Variants in RABEP1 observed in about 807,000 individuals in gnomAD.
The protein encoded by RABEP1 is rab GTPase-binding effector protein 1.
RABEP1 carries 51 observed loss-of-function variants against 123.4 expected under a neutral mutation model. That is an observed-to-expected ratio of 0.41 (90% CI 0.33 to 0.52). RABEP1 has a LOEUF of 0.52. Among genes scored for constraint, RABEP1 ranks in the 20% least tolerant of loss-of-function variants. The pLI, the probability that RABEP1 is intolerant of heterozygous loss-of-function variation, is 0.16. For missense variants in RABEP1, 888 were observed against 996.3 expected (o/e 0.89, Z 1.46); for synonymous variants, 347 against 355.2 (o/e 0.98, Z 0.26).
At chr17:5,286,448 C>T (rs144540027) in intron 1 of RABEP1, among the ~76,000 whole-genome samples, 4,449 of 152,042 alleles carry the variant, frequency 0.029, 71 homozygotes, top group Middle Eastern at 0.065. Context: ...GAGCCGAGAT[C>T]GTGCCACTGC....
At chr17:5,299,832 C>T (rs890285502) in intron 1 of RABEP1, among the ~76,000 whole-genome samples, 16 of 146,862 alleles carry the variant, frequency 1.1e-4, no homozygotes, top group South Asian at 4.5e-4. Context: ...TGGGTTCAAG[C>T]GATTCTCCTG....
At chr17:5,381,748 CT>C in intron 17 of RABEP1, 1 of 416,606 alleles carries the variant, frequency 2.4e-6, no homozygotes. Flanking sequence ...GTACTGACTC[CT>C]TAGCATACCA....
At chr17:5,340,479 C>T (rs1460511005) in intron 5 of RABEP1, among the ~76,000 whole-genome samples, 1 of 151,850 alleles carries the variant, frequency 6.6e-6, no homozygotes, top group Admixed American at 6.6e-5. Flanking sequence ...TTTTTAGATA[C>T]ATTATCTTAG....
chr17:5,360,928 T>G (rs2144674253), intron 8 of RABEP1: 1 of 378,604 alleles, frequency 2.6e-6, no homozygotes, highest in South Asian at 3.0e-5. Flanking sequence ...CCCATCCTTT[T>G]ATCACAGTAT....
intron 4 of RABEP1, among the ~76,000 whole-genome samples, chr17:5,337,533 TA>T (rs201609240): frequency 0.027 from 4,039 of 149,064 alleles, 123 homozygotes; most frequent in East Asian, 0.13. Flanking sequence ...AAAATAATAA[TA>T]AAAAAAAAAT....
chr17:5,293,565 C>A (rs1426320074), intron 1 of RABEP1, among the ~76,000 whole-genome samples: 2 of 152,064 alleles, frequency 1.3e-5, no homozygotes, highest in African/African-American at 4.8e-5. Flanking sequence ...TGCCACCATG[C>A]CTAGGTAATT....
intron 2 of RABEP1, among the ~76,000 whole-genome samples, chr17:5,310,812 ATTTTTT>A (rs57691824): frequency 2.2e-5 from 3 of 137,214 alleles, no homozygotes; most frequent in African/African-American, 8.0e-5. Context: ...TGTTTCATTC[ATTTTTT>A]TTTTTTTTTG....
chr17:5,318,864 C>T (rs535752520), intron 2 of RABEP1, among the ~76,000 whole-genome samples: 30 of 152,238 alleles, frequency 2.0e-4, no homozygotes, highest in South Asian at 1.5e-3. Context: ...ACTGCAGCCA[C>T]GTGGCATTTG....
intron 1 of RABEP1, among the ~76,000 whole-genome samples, chr17:5,296,697 TCTTAA>T (rs1255442463): frequency 2.6e-5 from 4 of 152,236 alleles, no homozygotes; most frequent in Non-Finnish European, 5.9e-5. Flanking sequence ...TCAAGATTCA[TCTTAA>T]CTTGTATAGC....
At chr17:5,294,389 T>G in intron 1 of RABEP1, among the ~76,000 whole-genome samples, 1 of 151,790 alleles carries the variant, frequency 6.6e-6, no homozygotes, top group South Asian at 2.1e-4. Context: ...CTCAAGAAAA[T>G]AAACCAATAA....
At chr17:5,344,726 CG>C (rs1422352112) in intron 5 of RABEP1, among the ~76,000 whole-genome samples, 1 of 127,184 alleles carries the variant, frequency 7.9e-6, no homozygotes, top group Non-Finnish European at 1.6e-5. Flanking sequence ...GTGCCGAGAT[CG>C]TGCCTCTGCA....
rs1418758185 is a variant in RABEP1, at chr17:5,354,229, A to G, written c.964-130A>G. On this transcript the variant is annotated intron_variant, in intron 7 of 17. Transcript: ENST00000537505. Reference sequence around the variant, plus strand: ...GGCCCTTAGATGGGATTACAAAACAAAGAAGCGTAAGTATCCAGTTTTCTC... The same window carrying G: ...GGCCCTTAGATGGGATTACAAAACAGAGAAGCGTAAGTATCCAGTTTTCTC... The G allele has an allele frequency of 3.8e-6, 3 of 784,782 alleles. No individual in the cohort carries two copies. The East Asian group carries it at 8.6e-5, about 23-fold the overall frequency. 48.6% of individuals were successfully genotyped at this position (784,782 alleles called of 1,614,324 possible). A position where few individuals can be genotyped will look rare whatever the true frequency, so the allele number is the denominator to read the frequency against.
Position 5,362,846 on chromosome 17 carries a change from C to G in RABEP1, c.1564-66C>G, listed in dbSNP as rs761540084. 2.9e-6 allele frequency: 3 copies of G among 1,046,042 alleles called. No individual in the cohort carries two copies. The African/African-American group carries it at 4.7e-5, about 16-fold the overall frequency. 64.8% of individuals were successfully genotyped at this position (1,046,042 alleles called of 1,614,324 possible). ...TGACTACCATTGGTAAGACTATGCACGTGTACCTCAAGTGTGTGATGTAGA... is the reference window on the plus strand; with the variant it reads ...TGACTACCATTGGTAAGACTATGCAGGTGTACCTCAAGTGTGTGATGTAGA... On this transcript the variant is annotated intron_variant, in intron 9 of 17. Coordinates refer to ENST00000537505, the MANE Select transcript of RABEP1 (RefSeq NM_004703.6).
chr17:5,306,001 A>G (rs1181241299), intron 1 of RABEP1, among the ~76,000 whole-genome samples: 1 of 152,156 alleles, frequency 6.6e-6, no homozygotes, highest in Non-Finnish European at 1.5e-5. Flanking sequence ...CACTTACACT[A>G]TTAAATCTAT....
chr17:5,362,205 CACTTCGATATTTGCCT>C (rs1393605997), intron 9 of RABEP1: 8 of 159,904 alleles, frequency 5.0e-5, no homozygotes, highest in African/African-American at 1.9e-4. Context: ...AGGAGATAAA[CACTTCGATATTTGCCT>C]AATGCTTTAT....
At chr17:5,357,040 G>A (rs1200110456) in intron 8 of RABEP1, among the ~76,000 whole-genome samples, 1 of 152,036 alleles carries the variant, frequency 6.6e-6, no homozygotes, top group African/African-American at 2.4e-5. Context: ...ACCACGCCAG[G>A]CTAATTTTTG....
At chr17:5,335,871 T>C (rs1352608638) in intron 4 of RABEP1, among the ~76,000 whole-genome samples, 1 of 152,160 alleles carries the variant, frequency 6.6e-6, no homozygotes, top group Non-Finnish European at 1.5e-5. Context: ...GTGCTTGAAC[T>C]CCTAAATACC....
chr17:5,295,983 G>A (rs1039792466), intron 1 of RABEP1, among the ~76,000 whole-genome samples: 2 of 152,152 alleles, frequency 1.3e-5, no homozygotes, highest in Admixed American at 6.5e-5. Context: ...TGGATAGTCT[G>A]TTTCTCATAG....
intron 3 of RABEP1, 125 bp downstream of exon 3, chr17:5,332,277 T>C (rs1757368524): frequency 1.2e-6 from 1 of 853,444 alleles, no homozygotes; most frequent in Non-Finnish European, 1.8e-6. Flanking sequence ...ACTGTCATCA[T>C]CAAGATATAC....
Sources: allele counts gnomAD v4.1 joint callset (sites outside exome capture counted in the v4.1 genomes callset), GRCh38; gene constraint gnomAD v4.1.1; transcripts MANE v1.5; gene names NCBI Gene and HGNC (gene_info 2026-07-23, HGNC 2026-07-21).